PRUNE2: variants seen among roughly 807,000 people sequenced by gnomAD.
PRUNE2 encodes protein prune homolog 2.
PRUNE2 carries 164 observed loss-of-function variants against 252.0 expected under a neutral mutation model. That is an observed-to-expected ratio of 0.65 (90% CI 0.57 to 0.74). PRUNE2 has a LOEUF of 0.74. PRUNE2 is among the 30% of genes least tolerant of loss of function. The probability of loss-of-function intolerance (pLI) is 0.00; values close to 1 mark genes in which losing one functional copy is unlikely to be tolerated. For missense variants in PRUNE2, 3,495 were observed against 3,711.0 expected (o/e 0.94, Z 1.51); for synonymous variants, 1,292 against 1,350.2 (o/e 0.96, Z 0.94).
chr9:76,902,696 C>T (rs573144982), intron 1 of PRUNE2, among the ~76,000 whole-genome samples: 2 of 152,318 alleles, frequency 1.3e-5, no homozygotes, highest in Admixed American at 6.5e-5. Context: ...CCTCCCTAGC[C>T]GTGCCCCACC....
intron 6 of PRUNE2, among the ~76,000 whole-genome samples, chr9:76,780,920 T>C (rs922313508): frequency 6.6e-6 from 1 of 152,134 alleles, no homozygotes; most frequent in African/African-American, 2.4e-5. Context: ...TCCCCGTGTG[T>C]TTCCCATCTG....
intron 2 of PRUNE2, among the ~76,000 whole-genome samples, chr9:76,852,793 CATCTGTCTGTCTGTCTATCT>C (rs1160179135): frequency 2.0e-5 from 3 of 146,484 alleles, no homozygotes; most frequent in Non-Finnish European, 3.0e-5. Flanking sequence ...TTTATCTAGC[CATCTGTCTGTCTGTCTATCT>C]ATCTATCTAT....
chr9:76,615,126 A>C, intron 18 of PRUNE2: 1 of 985,694 alleles, frequency 1.0e-6, no homozygotes, highest in Non-Finnish European at 1.2e-6. Context: ...ATAACTAAAG[A>C]AAAGCTTGTT....
chr9:76,837,918 C>T (rs1276518414), intron 4 of PRUNE2, among the ~76,000 whole-genome samples: 1 of 151,386 alleles, frequency 6.6e-6, no homozygotes, highest in Non-Finnish European at 1.5e-5. Context: ...ACTACAGGCG[C>T]CTGCCACCAC....
At position 76,707,942 on chromosome 9, in the gene PRUNE2, A is replaced by G. The variant is rs766919697; in HGVS notation, c.4332T>C (p.Thr1444=). The change falls in exon 8 of 19, where the codon ACT becomes ACC. Residue 1444 remains threonine, a synonymous_variant. Transcript: ENST00000376718. ...TGAAATTCATCCCATCTGAAGTCTC[A>G]GTAGTTTCACCTGAATTTCTTTGAC... ...LMSQRNSGET[T]ETSDGMNFTK... 1 of 1,613,924 alleles carries G rather than the reference A, an allele frequency of 6.2e-7. No homozygotes were observed. Among genetic ancestry groups the G allele is most frequent in the Non-Finnish European group, 8.5e-7 (1 of 1,179,846 alleles).
At chr9:76,625,201 T>A (rs1163389035) in intron 16 of PRUNE2, 1 of 442,324 alleles carries the variant, frequency 2.3e-6, no homozygotes. Flanking sequence ...ATCATTTGGG[T>A]CAGTGATGGA....
Position 76,706,565 on chromosome 9 carries a change from G to C in PRUNE2, c.5709C>G (p.Ser1903=). ...GTTGAATGTTCCAGAGTTGCTCATG[G>C]GAGTTCTTCCCATTACCTTCCAGAA... ...SPFLEGNGKN[S]HEQLWNIQPR... The change falls in exon 8 of 19, where the codon TCC becomes TCG. Residue 1903 remains serine (S), a synonymous_variant. Coordinates refer to ENST00000376718, the MANE Select transcript of PRUNE2 (RefSeq NM_015225.3). The C allele has an allele frequency of 6.2e-7, 1 of 1,613,930 alleles. No individual in the cohort carries two copies. Among genetic ancestry groups the C allele is most frequent in the South Asian group, 1.1e-5 (1 of 91,078 alleles).
In PRUNE2 at chr9:76,850,480, G is replaced by C. The variant is rs1564435236; in HGVS notation, c.327C>G (p.Gly109=). ...GATCTTACCTCGCCAGCACACTGCT[G>C]CCAACAAGTGTTATCGATAACTTCC... The part of the protein sequence containing the change: ...DEGKLSITLV[G]SSVLASEDKT... The change falls in exon 3 of 19, where the codon GGC becomes GGG. Residue 109 remains glycine, a synonymous_variant. Transcript: ENST00000376718. 1.2e-5 allele frequency: 19 copies of C among 1,613,720 alleles called. No homozygotes were observed. The highest frequency in any genetic ancestry group is 1.6e-5 in the Non-Finnish European group (19 of 1,179,744).
At chr9:76,833,560 T>A (rs574880586) in intron 4 of PRUNE2, among the ~76,000 whole-genome samples, 2 of 151,666 alleles carry the variant, frequency 1.3e-5, no homozygotes, top group African/African-American at 2.4e-5. Context: ...AGTCAGGAGA[T>A]CGAGACCATC....
At chr9:76,645,834 C>T (rs1269547344) in intron 11 of PRUNE2, among the ~76,000 whole-genome samples, 5 of 152,126 alleles carry the variant, frequency 3.3e-5, no homozygotes, top group Non-Finnish European at 5.9e-5. Context: ...TGGAAAAGCA[C>T]CATTGAATTT....
chr9:76,811,288 T>C (rs886265663), intron 6 of PRUNE2, among the ~76,000 whole-genome samples: 5 of 152,246 alleles, frequency 3.3e-5, no homozygotes, highest in African/African-American at 1.2e-4. Context: ...CAGAATTAGA[T>C]ATTGTGCTAT....
At chr9:76,657,457 A>G (rs1242949161) in intron 9 of PRUNE2, among the ~76,000 whole-genome samples, 2 of 152,250 alleles carry the variant, frequency 1.3e-5, no homozygotes, top group Non-Finnish European at 2.9e-5. Flanking sequence ...TAAGTTTAAT[A>G]GATTTTTTTA....
intron 9 of PRUNE2, among the ~76,000 whole-genome samples, chr9:76,702,615 G>GAATGAATGAATGAATGAATT (rs1319462155): frequency 9.9e-5 from 15 of 152,096 alleles, no homozygotes. Flanking sequence ...CATGGTGAAT[G>GAATGAATGAATGAATGAATT]AATGAATGAA....
At chr9:76,814,393 A>C (rs2057549236) in intron 6 of PRUNE2, among the ~76,000 whole-genome samples, 2 of 152,180 alleles carry the variant, frequency 1.3e-5, no homozygotes, top group African/African-American at 4.8e-5. Context: ...TGCTCTGAGG[A>C]GCCCAAGCCA....
chr9:76,743,420 T>G (rs1212626843), intron 6 of PRUNE2, among the ~76,000 whole-genome samples: 1 of 152,256 alleles, frequency 6.6e-6, no homozygotes, highest in East Asian at 1.9e-4. Flanking sequence ...ATAGTTAATG[T>G]AGCATTGTTC....
At chr9:76,624,211 TG>T (rs1003452937) in intron 17 of PRUNE2, among the ~76,000 whole-genome samples, 6 of 152,220 alleles carry the variant, frequency 3.9e-5, no homozygotes, top group Admixed American at 2.0e-4. Flanking sequence ...TAGAATTGCG[TG>T]TACATTAAAA....
chr9:76,713,687 A>G lies in PRUNE2; in HGVS notation c.791T>C (p.Leu264Ser). The G allele has an allele frequency of 6.3e-7, 1 of 1,599,878 alleles. No homozygotes were observed. Among genetic ancestry groups the G allele is most frequent in the Non-Finnish European group, 8.5e-7 (1 of 1,172,576 alleles). ...ACCAAACTTGTCTGTAAATGCTTTC[A>G]AGTCACTGGTAATATTGCTGTGAAA... Reference protein sequence around the residue: ...CLFHSNITSDLKAFTDKFGFD... With the variant: ...CLFHSNITSDSKAFTDKFGFD... Residue 264 changes from leucine (L) to serine (S), a missense_variant, in exon 7 of 19, where the codon TTG (leucine) becomes TCG (serine). Leu to Ser is a moderately radical substitution (Grantham distance 145, BLOSUM62 -2). Coordinates refer to ENST00000376718, the MANE Select transcript of PRUNE2 (RefSeq NM_015225.3).
chr9:76,710,535 T>C lies in PRUNE2; in HGVS notation c.1739A>G (p.Asn580Ser), dbSNP rs766815113. The change falls in exon 8 of 19, where the codon AAC becomes AGC. Residue 580 changes from asparagine (N) to serine (S), a missense_variant. Transcript: ENST00000376718. ...TGTCAGGCTCAAATTTCTTTCAGAG[T>C]TATCTCTGGGACTGTCTTGTCTCTG... ...FVQRQDSPRDNSERNLSLTDF... is the reference protein window; with the variant it reads ...FVQRQDSPRDSSERNLSLTDF... The C allele has an allele frequency of 6.2e-7, 1 of 1,613,958 alleles. No homozygotes were observed. The highest frequency in any genetic ancestry group is 8.5e-7 in the Non-Finnish European group (1 of 1,179,882).
At chr9:76,868,850 G>A (rs1167409534) in intron 1 of PRUNE2, 1 of 94,550 alleles carries the variant, frequency 1.1e-5, no homozygotes, top group Non-Finnish European at 2.3e-5. Context: ...GGGGGGGGGC[G>A]GGGGGGAAGG....
Sources: gnomAD v4.1 joint callset for allele counts (sites outside exome capture counted in the v4.1 genomes callset) on GRCh38, gnomAD v4.1.1 for gene constraint, MANE v1.5 for transcripts, NCBI Gene and HGNC (gene_info 2026-07-23, HGNC 2026-07-21) for gene names.